RBFOX1: variants seen among roughly 807,000 people sequenced by gnomAD.
The protein encoded by RBFOX1 is RNA binding fox-1 homolog 1.
In RBFOX1, 8 loss-of-function variants were observed where a neutral mutation model predicts 57.7. The ratio of observed to expected loss-of-function variants is 0.14; its 90% CI spans 0.08 to 0.25. The LOEUF (loss-of-function observed/expected upper bound fraction) is 0.25. Among genes scored for constraint, RBFOX1 ranks in the 10% least tolerant of loss-of-function variants. The pLI is 1.00. For missense variants in RBFOX1, 611 were observed against 548.5 expected, an observed-to-expected ratio of 1.11 and a Z score of -1.14; for synonymous variants, 326 against 222.4, an observed-to-expected ratio of 1.47 and a Z score of -4.15.
At chr16:6,492,354 G>A (rs1053252514) in intron 2 of RBFOX1, among the ~76,000 whole-genome samples, 2 of 152,158 alleles carry the variant, frequency 1.3e-5, no homozygotes, top group Non-Finnish European at 2.9e-5. Context: ...AGGATCATGA[G>A]GTCAGGAGTT....
chr16:6,676,143 CACACACA>C (rs1182748883), intron 3 of RBFOX1, among the ~76,000 whole-genome samples: 32 of 518 alleles, frequency 0.062, no homozygotes, highest in Admixed American at 0.12. Context: ...CACACACGCG[CACACACA>C]CACACACACA....
At chr16:7,167,980 C>G (rs762484903) in intron 4 of RBFOX1, among the ~76,000 whole-genome samples, 1 of 152,126 alleles carries the variant, frequency 6.6e-6, no homozygotes, top group African/African-American at 2.4e-5. Context: ...CAGCGCAGAA[C>G]CACACAAGGT....
At chr16:7,148,991 C>T (rs576065074) in intron 4 of RBFOX1, among the ~76,000 whole-genome samples, 2 of 152,332 alleles carry the variant, frequency 1.3e-5, no homozygotes, top group South Asian at 4.1e-4. Context: ...TAGTATTTTG[C>T]TTCTTTCCTG....
At chr16:5,364,924 G>C (rs1423875572) in intron 1 of RBFOX1, among the ~76,000 whole-genome samples, 1 of 152,116 alleles carries the variant, frequency 6.6e-6, no homozygotes, top group Non-Finnish European at 1.5e-5. Flanking sequence ...TGGACAGTAG[G>C]GTCGCCTAAG....
At chr16:6,313,637 C>A (rs955530988) in intron 1 of RBFOX1, among the ~76,000 whole-genome samples, 2 of 152,130 alleles carry the variant, frequency 1.3e-5, no homozygotes, top group Non-Finnish European at 2.9e-5. Context: ...ACTGAGCATT[C>A]ACCTTCATTC....
chr16:6,625,961 A>G (rs2098298906), intron 2 of RBFOX1, among the ~76,000 whole-genome samples: 1 of 152,186 alleles, frequency 6.6e-6, no homozygotes, highest in Non-Finnish European at 1.5e-5. Flanking sequence ...ATTGAGGTAC[A>G]TGTTCAGTAA....
At chr16:5,894,233 G>A (rs2058107489) in intron 4 of RBFOX1, among the ~76,000 whole-genome samples, 1 of 152,156 alleles carries the variant, frequency 6.6e-6, no homozygotes, top group South Asian at 2.1e-4. Context: ...TTTTTAAATT[G>A]AGGTGGACTC....
intron 3 of RBFOX1, chr16:6,705,274 G>C (rs2062528882): frequency 6.6e-6 from 1 of 152,214 alleles, no homozygotes; most frequent in South Asian, 2.1e-4. Flanking sequence ...AAACATACTG[G>C]GCAAAGGTTT....
At chr16:5,854,863 T>A (rs1279142159) in intron 3 of RBFOX1, among the ~76,000 whole-genome samples, 1 of 152,202 alleles carries the variant, frequency 6.6e-6, no homozygotes, top group Non-Finnish European at 1.5e-5. Flanking sequence ...AAGGTACCCT[T>A]TTCTCCGTAT....
intron 1 of RBFOX1, among the ~76,000 whole-genome samples, chr16:6,258,429 C>T (rs74005050): frequency 0.021 from 3,151 of 152,190 alleles, 86 homozygotes; most frequent in African/African-American, 0.062. Context: ...TGATTGTGTG[C>T]CCGTGTGTGC....
At chr16:7,545,355 G>T (rs1209000847) in intron 5 of RBFOX1, among the ~76,000 whole-genome samples, 1 of 151,964 alleles carries the variant, frequency 6.6e-6, no homozygotes, top group Non-Finnish European at 1.5e-5. Context: ...AATCCTCTTG[G>T]CCCCTTGCTC....
intron 4 of RBFOX1, among the ~76,000 whole-genome samples, chr16:7,068,412 A>G (rs1357513064): frequency 6.6e-6 from 1 of 152,260 alleles, no homozygotes. Context: ...CTACCATCCA[A>G]GGTAGCCCAG....
intron 3 of RBFOX1, among the ~76,000 whole-genome samples, chr16:5,672,689 C>A (rs1395369118): frequency 6.7e-6 from 1 of 150,282 alleles, no homozygotes; most frequent in Non-Finnish European, 1.5e-5. Context: ...ACCACCACCT[C>A]CATTAGCTGG....
At chr16:6,835,583 C>G (rs1372570333) in intron 3 of RBFOX1, among the ~76,000 whole-genome samples, 1 of 151,608 alleles carries the variant, frequency 6.6e-6, no homozygotes, top group Admixed American at 6.6e-5. Flanking sequence ...AAAACCCCAT[C>G]TCTACCAAAA....
chr16:5,286,437 A>G (rs2063396827), intron 1 of RBFOX1, among the ~76,000 whole-genome samples: 1 of 152,150 alleles, frequency 6.6e-6, no homozygotes, highest in Non-Finnish European at 1.5e-5. Context: ...CTAGCTCTGG[A>G]GGCAGGGGAG....
At chr16:5,717,785 G>C (rs570092538) in intron 3 of RBFOX1, among the ~76,000 whole-genome samples, 1 of 152,092 alleles carries the variant, frequency 6.6e-6, no homozygotes, top group Non-Finnish European at 1.5e-5. Context: ...GGTACTATTC[G>C]GAGGGCCTCC....
At chr16:6,959,273 T>C (rs771985476) in intron 3 of RBFOX1, among the ~76,000 whole-genome samples, 91 of 152,198 alleles carry the variant, frequency 6.0e-4, no homozygotes, top group Non-Finnish European at 4.4e-4. Context: ...GCCATGTTTA[T>C]GTGGAGGGAG....
intron 3 of RBFOX1, among the ~76,000 whole-genome samples, chr16:6,891,465 TAGAGAG>T (rs746798605): frequency 0.014 from 2,015 of 148,536 alleles, 22 homozygotes; most frequent in Non-Finnish European, 0.02. Context: ...ACACACACAC[TAGAGAG>T]AGAGAGAGAG....
At chr16:7,622,075 T>G (rs1018837067) in intron 10 of RBFOX1, among the ~76,000 whole-genome samples, 1 of 152,004 alleles carries the variant, frequency 6.6e-6, no homozygotes, top group African/African-American at 2.4e-5. Flanking sequence ...CATACAAAAA[T>G]AGGTGGGGGC....
Sources: gnomAD v4.1 joint callset for allele counts (sites outside exome capture counted in the v4.1 genomes callset) on GRCh38, gnomAD v4.1.1 for gene constraint, MANE v1.5 for transcripts, NCBI Gene and HGNC (gene_info 2026-07-23, HGNC 2026-07-21) for gene names.